The following WWP2 variants were observed in gnomAD, a reference collection of about 807,000 sequenced individuals.
The protein encoded by WWP2 is NEDD4-like E3 ubiquitin-protein ligase WWP2.
A neutral mutation model predicts 121.0 loss-of-function variants in WWP2; 57 were observed. The ratio of observed to expected loss-of-function variants is 0.47; its 90% CI spans 0.38 to 0.59. WWP2 has a LOEUF of 0.59. WWP2 is among the 20% of genes least tolerant of loss of function. The probability of loss-of-function intolerance (pLI) is 0.00; values close to 1 mark genes in which losing one functional copy is unlikely to be tolerated. For missense variants in WWP2, 962 were observed against 1,158.9 expected, an observed-to-expected ratio of 0.83 and a Z score of 2.47; for synonymous variants, 449 against 441.3, an observed-to-expected ratio of 1.02 and a Z score of -0.22.
chr16:69,795,259 T>TACAC (rs10578834), intron 2 of WWP2, among the ~76,000 whole-genome samples: 6,531 of 92,980 alleles, frequency 0.07, 246 homozygotes, highest in East Asian at 0.22. Flanking sequence ...AAAATGCGGA[T>TACAC]ACACACACAC....
At chr16:69,923,725 C>G (rs2058597909) in intron 10 of WWP2, among the ~76,000 whole-genome samples, 1 of 152,200 alleles carries the variant, frequency 6.6e-6, no homozygotes, top group Non-Finnish European at 1.5e-5. Flanking sequence ...TAGTCCTTCC[C>G]TTTTGCAAGG....
At chr16:69,932,031 T>A in intron 16 of WWP2, 141 bp downstream of exon 16, 2 of 867,352 alleles carry the variant, frequency 2.3e-6, no homozygotes, top group Non-Finnish European at 1.8e-6. Flanking sequence ...CAGTGTGGCA[T>A]TCAAAATACG....
At chr16:69,839,243 A>G (rs901022973) in intron 4 of WWP2, among the ~76,000 whole-genome samples, 1 of 152,170 alleles carries the variant, frequency 6.6e-6, no homozygotes, top group East Asian at 1.9e-4. Context: ...ATAAAGGCTG[A>G]TTCCCTCTTG....
intron 1 of WWP2, among the ~76,000 whole-genome samples, chr16:69,780,338 G>C (rs1165387332): frequency 6.6e-6 from 1 of 151,230 alleles, no homozygotes; most frequent in Non-Finnish European, 1.5e-5. Context: ...GTACTATATA[G>C]CATTCCATTT....
Position 69,939,913 on chromosome 16 carries a change from G to A in WWP2, c.2586G>A (p.Glu862=), listed in dbSNP as rs1365384827. ...GAGAGAAGCTGCTGTATGCCATTGA[G>A]GAGACCGAGGGCTTTGGACAGGAGT... ...QLREKLLYAI[E]ETEGFGQE The change falls in exon 24 of 24, where the codon GAG becomes GAA. Residue 862 remains glutamate, a synonymous_variant. Coordinates refer to ENST00000359154, the MANE Select transcript of WWP2 (RefSeq NM_001270454.2). The A allele has an allele frequency of 6.2e-7, 1 of 1,613,896 alleles. No individual in the cohort carries two copies.
intron 7 of WWP2, among the ~76,000 whole-genome samples, chr16:69,883,398 G>GCACA (rs1025261580): frequency 2.1e-5 from 2 of 96,166 alleles, no homozygotes; most frequent in Admixed American, 1.1e-4. Context: ...CTAAGAATGT[G>GCACA]CGCACACACA....
chr16:69,783,340 A>G (rs2151788658), intron 1 of WWP2, among the ~76,000 whole-genome samples: 1 of 152,168 alleles, frequency 6.6e-6, no homozygotes, highest in Non-Finnish European at 1.5e-5. Context: ...TAATATGGTG[A>G]ATTAATAACC....
chr16:69,810,961 G>A (rs2056381142), intron 4 of WWP2, among the ~76,000 whole-genome samples: 1 of 151,420 alleles, frequency 6.6e-6, no homozygotes, highest in Admixed American at 6.6e-5. Flanking sequence ...CACCATGTTG[G>A]CCAGGCTGGT....
Position 69,937,775 on chromosome 16 carries a change from G to A in WWP2, c.2343+123G>A. The A allele has an allele frequency of 1.2e-6, 1 of 866,260 alleles. No homozygotes were observed. The highest frequency in any genetic ancestry group is 1.6e-5 in the South Asian group (1 of 62,944). 53.7% of individuals were successfully genotyped at this position (866,260 alleles called of 1,614,324 possible). Reference sequence around the variant, plus strand: ...GCCCTGTCCTTGCCTCCCACACCTTGCAAAAGGAGACGATAGACCAGCCTT... The same window carrying A: ...GCCCTGTCCTTGCCTCCCACACCTTACAAAAGGAGACGATAGACCAGCCTT... On this transcript the variant is annotated intron_variant, in intron 21 of 23. Coordinates refer to ENST00000359154, the MANE Select transcript of WWP2 (RefSeq NM_001270454.2). This position sits in a 1 kb window ranked among gnomAD's most constrained non-coding sequence, Gnocchi z 6.6.
At chr16:69,933,624 A>T (rs74027736) in intron 16 of WWP2, among the ~76,000 whole-genome samples, 9,914 of 152,208 alleles carry the variant, frequency 0.065, 1,022 homozygotes, top group African/African-American at 0.22. Flanking sequence ...AGCCTAGGCA[A>T]CTGAGCATGG....
intron 6 of WWP2, among the ~76,000 whole-genome samples, chr16:69,861,901 A>T (rs1422422040): frequency 6.6e-6 from 1 of 152,044 alleles, no homozygotes; most frequent in African/African-American, 2.4e-5. Context: ...ACCAGTTAAG[A>T]GTGTGCTCAG....
At chr16:69,801,032 TACA>T (rs1186984756) in intron 4 of WWP2, among the ~76,000 whole-genome samples, 16 of 147,324 alleles carry the variant, frequency 1.1e-4, no homozygotes, top group Admixed American at 1.1e-3. Context: ...CTAAGAAAAA[TACA>T]ACAATTACCC....
intron 1 of WWP2, among the ~76,000 whole-genome samples, chr16:69,781,113 C>T (rs4353476): frequency 6.6e-6 from 1 of 151,544 alleles, no homozygotes; most frequent in African/African-American, 2.4e-5. Context: ...CCCCTGAATG[C>T]TAAATTTGGC....
chr16:69,835,016 G>T lies in WWP2; in HGVS notation c.341-5110G>T, dbSNP rs374467215. Among the ~76,000 whole-genome samples the T allele has an allele frequency of 2.6e-5, 4 of 152,128 alleles. No homozygotes were observed. In the East Asian group the frequency reaches 5.8e-4, roughly 22 times the overall value. ...CTCAAGGCACGGATGTGAACAGCAC[G>T]GATGCAGATAGAGCAGGGCTTGATG... On this transcript the variant is annotated intron_variant, in intron 4 of 23. Coordinates refer to ENST00000359154, the MANE Select transcript of WWP2 (RefSeq NM_001270454.2).
intron 6 of WWP2, among the ~76,000 whole-genome samples, chr16:69,869,484 C>G (rs1186928927): frequency 1.3e-5 from 2 of 151,400 alleles, no homozygotes; most frequent in Non-Finnish European, 2.9e-5. Context: ...CCTGGGACCA[C>G]AGGGGCACGC....
At chr16:69,862,859 G>A (rs1343145902) in intron 6 of WWP2, among the ~76,000 whole-genome samples, 5 of 151,912 alleles carry the variant, frequency 3.3e-5, no homozygotes, top group East Asian at 1.9e-4. Context: ...CCGCATAGCT[G>A]GGATCACAGG....
intron 4 of WWP2, chr16:69,827,758 A>G (rs1292471213): frequency 7.7e-6 from 3 of 388,082 alleles, no homozygotes; most frequent in Non-Finnish European, 1.5e-5. Context: ...GGGCCTGGGC[A>G]GGGGATTAAT....
Position 69,935,704 on chromosome 16 carries a change from C to G in WWP2, c.1843-149C>G. The G allele has an allele frequency of 2.6e-6, 3 of 1,174,194 alleles. No individual in the cohort carries two copies. The highest frequency in any genetic ancestry group is 3.6e-6 in the Non-Finnish European group (3 of 835,486). 72.7% of individuals were successfully genotyped at this position (1,174,194 alleles called of 1,614,324 possible). On this transcript the variant is annotated intron_variant, in intron 17 of 23. Transcript: ENST00000359154. This position sits in a 1 kb window ranked among gnomAD's most constrained non-coding sequence, Gnocchi z 5.2. Reference sequence around the variant, plus strand: ...AGGCGTTGTTTACTCCTGAGGCCCTCCCGCTGCGTCCGAGGCAGCTGCTGC... The same window carrying G: ...AGGCGTTGTTTACTCCTGAGGCCCTGCCGCTGCGTCCGAGGCAGCTGCTGC...
At chr16:69,787,818 G>C (rs1251005357) in intron 2 of WWP2, 3 of 152,190 alleles carry the variant, frequency 2.0e-5, no homozygotes, top group African/African-American at 4.8e-5. Flanking sequence ...AATTTAGCCT[G>C]TCTATAGCTG....
Sources: gnomAD v4.1 joint callset for allele counts (sites outside exome capture counted in the v4.1 genomes callset) on GRCh38, gnomAD v4.1.1 for gene constraint, Gnocchi (gnomAD v3.1) non-coding constraint, MANE v1.5 for transcripts, NCBI Gene and HGNC (gene_info 2026-07-23, HGNC 2026-07-21) for gene names.